The following IPMK variants were observed in gnomAD, a reference collection of about 807,000 sequenced individuals.
IPMK encodes inositol 1,3,4,6-tetrakisphosphate 5-kinase.
Under a neutral mutation model 45.8 loss-of-function variants are expected in IPMK, and 17 were observed. The ratio of observed to expected loss-of-function variants is 0.37; its 90% CI spans 0.25 to 0.56. The LOEUF (loss-of-function observed/expected upper bound fraction) is 0.56, where lower values mean the gene tolerates loss of function less well. IPMK is among the 20% of genes least tolerant of loss of function. The probability of loss-of-function intolerance (pLI) is 0.79; values close to 1 mark genes in which losing one functional copy is unlikely to be tolerated. For missense variants in IPMK, 399 were observed against 498.0 expected (o/e 0.80, Z 1.89); for synonymous variants, 180 against 184.3 (o/e 0.98, Z 0.19).
intron 2 of IPMK, among the ~76,000 whole-genome samples, chr10:58,231,856 TG>T (rs1308290198): frequency 6.6e-6 from 1 of 152,188 alleles, no homozygotes; most frequent in African/African-American, 2.4e-5. Context: ...ATGGGCTAAA[TG>T]CCCCAATTAA....
At chr10:58,241,872 G>A (rs181499263) in intron 1 of IPMK, among the ~76,000 whole-genome samples, 3 of 151,914 alleles carry the variant, frequency 2.0e-5, no homozygotes, top group Admixed American at 2.0e-4. Flanking sequence ...GAATTTTAAA[G>A]GACACAAACA....
chr10:58,234,144 C>T (rs1199145320), intron 2 of IPMK, among the ~76,000 whole-genome samples: 2 of 152,072 alleles, frequency 1.3e-5, no homozygotes, highest in Non-Finnish European at 1.5e-5. Context: ...AACTACAAAC[C>T]ACCGCTCAAC....
chr10:58,267,842 G>A lies in IPMK; in HGVS notation c.-231C>T. 2.1e-6 allele frequency: 1 copy of A among 471,240 alleles called. No individual in the cohort carries two copies. The highest frequency in any genetic ancestry group is 3.2e-5 in the South Asian group (1 of 31,516). The allele number at this position is 471,240 out of a possible 1,614,324, so 29.2% of individuals were successfully genotyped here. On this transcript the variant is annotated 5_prime_UTR_variant, in exon 1 of 6. Coordinates refer to ENST00000373935, the MANE Select transcript of IPMK (RefSeq NM_152230.5). ...GGCTCCCGGCTCCTGTTCCTCTGCC[G>A]CCGCAGCCGCCGGCCCCGGCGCTGC...
intron 1 of IPMK, among the ~76,000 whole-genome samples, chr10:58,240,126 A>G (rs752848027): frequency 1.3e-5 from 2 of 152,234 alleles, no homozygotes; most frequent in Non-Finnish European, 2.9e-5. Context: ...ATGTTAAAAC[A>G]AAAAGTATAA....
chr10:58,217,135 C>T (rs958897713), intron 3 of IPMK, among the ~76,000 whole-genome samples: 2 of 146,710 alleles, frequency 1.4e-5, no homozygotes, highest in African/African-American at 5.0e-5. Context: ...AGGTGTGAGT[C>T]ACCATGCCCA....
chr10:58,260,797 C>A (rs1165441125), intron 1 of IPMK, among the ~76,000 whole-genome samples: 1 of 151,920 alleles, frequency 6.6e-6, no homozygotes, highest in East Asian at 1.9e-4. Context: ...AGAGATATAC[C>A]ATGTTCAAGT....
chr10:58,228,115 C>T (rs1391252265), intron 2 of IPMK, among the ~76,000 whole-genome samples: 1 of 152,146 alleles, frequency 6.6e-6, no homozygotes, highest in African/African-American at 2.4e-5. Context: ...TAGTCACTTC[C>T]AGGCCAAGGT....
chr10:58,267,684 C>G lies in IPMK; in HGVS notation c.-73G>C. 1.1e-6 allele frequency: 1 copy of G among 948,770 alleles called. No individual in the cohort carries two copies. The highest frequency in any genetic ancestry group is 1.6e-5 in the African/African-American group (1 of 61,536). 58.8% of individuals were successfully genotyped at this position (948,770 alleles called of 1,614,324 possible). A position where few individuals can be genotyped will look rare whatever the true frequency, so the allele number is the denominator to read the frequency against. ...GGGCGAGGGAGGGGGCGCCGGAGAA[C>G]CCGAGGGTCGCTCAGGCTCGGGCGC... On this transcript the variant is annotated 5_prime_UTR_variant, in exon 1 of 6. Transcript: ENST00000373935.
chr10:58,213,640 T>C (rs1838200265), intron 4 of IPMK, among the ~76,000 whole-genome samples: 1 of 148,190 alleles, frequency 6.7e-6, no homozygotes, highest in Non-Finnish European at 1.5e-5. Context: ...TGAGCAGAGA[T>C]GCGACACTGC....
At chr10:58,267,338 C>A in intron 1 of IPMK, 84 bp downstream of exon 1, 1 of 1,407,870 alleles carries the variant, frequency 7.1e-7, no homozygotes. Context: ...TCCAGGCAGG[C>A]CCGAGAGCGC....
chr10:58,265,125 G>A (rs1031587705), intron 1 of IPMK, among the ~76,000 whole-genome samples: 6 of 152,134 alleles, frequency 3.9e-5, no homozygotes, highest in Non-Finnish European at 8.8e-5. Context: ...AAATATAACG[G>A]ATGTCTGAAC....
chr10:58,213,578 G>C (rs761596092), intron 4 of IPMK, among the ~76,000 whole-genome samples: 2 of 151,936 alleles, frequency 1.3e-5, no homozygotes, highest in Non-Finnish European at 2.9e-5. Context: ...TCCCAGCTAC[G>C]CGGTAGGCTG....
At chr10:58,200,866 G>A (rs903096251) in intron 4 of IPMK, among the ~76,000 whole-genome samples, 177 of 152,192 alleles carry the variant, frequency 1.2e-3, no homozygotes, top group African/African-American at 3.9e-3. Flanking sequence ...CATATTTATG[G>A]GGCACATGTG....
chr10:58,259,852 G>GA (rs1017638168), intron 1 of IPMK, among the ~76,000 whole-genome samples: 3 of 151,532 alleles, frequency 2.0e-5, no homozygotes, highest in African/African-American at 7.3e-5. Flanking sequence ...AAAACAAAAA[G>GA]AAAAACAAAT....
chr10:58,237,862 C>A (rs764980383), intron 1 of IPMK, 48 bp from the exon 2 acceptor site: 2 of 1,353,600 alleles, frequency 1.5e-6, no homozygotes, highest in Non-Finnish European at 2.1e-6. Context: ...TAATAGTAAA[C>A]CTTGCTTCAT....
At chr10:58,218,918 T>C (rs1263813307) in intron 3 of IPMK, among the ~76,000 whole-genome samples, 1 of 152,196 alleles carries the variant, frequency 6.6e-6, no homozygotes, top group African/African-American at 2.4e-5. Context: ...CCCTTCCCAT[T>C]CCTATTGTCC....
intron 1 of IPMK, among the ~76,000 whole-genome samples, chr10:58,244,789 A>C (rs1412788694): frequency 6.6e-6 from 1 of 152,156 alleles, no homozygotes; most frequent in East Asian, 1.9e-4. Context: ...ACTCAGGGTT[A>C]AATGGATTAA....
chr10:58,233,326 C>A lies in IPMK; in HGVS notation c.276+4403G>T, dbSNP rs560512022. 5.9e-5 allele frequency among the ~76,000 whole-genome samples: 9 copies of A among 152,258 alleles called. No individual in the cohort carries two copies. In the South Asian group the frequency reaches 1.2e-3, roughly 21 times the overall value. Reference sequence around the variant, plus strand: ...ATCCTCCCTAACTCATTTTATGAGGCCAACATCATCCTGATACCAAAGCCT... The same window carrying A: ...ATCCTCCCTAACTCATTTTATGAGGACAACATCATCCTGATACCAAAGCCT... On this transcript the variant is annotated intron_variant, in intron 2 of 5. Transcript: ENST00000373935.
rs564565816 is a variant in IPMK at position 58,208,001 on chromosome 10, C to T, written c.546+8144G>A. 7.2e-5 allele frequency among the ~76,000 whole-genome samples: 11 copies of T among 151,992 alleles called. No individual in the cohort carries two copies. In the South Asian group the frequency reaches 1.7e-3, roughly 23 times the overall value. ...TGGTGCCCAGGCTGGAGTGCAGTGG[C>T]GCGATCTCGGCTCACTGCAAGCTCC... On this transcript the variant is annotated intron_variant, in intron 4 of 5. Coordinates refer to ENST00000373935, the MANE Select transcript of IPMK (RefSeq NM_152230.5).
Sources: gnomAD v4.1 joint callset for allele counts (sites outside exome capture counted in the v4.1 genomes callset) on GRCh38, gnomAD v4.1.1 for gene constraint, MANE v1.5 for transcripts, NCBI Gene and HGNC (gene_info 2026-07-23, HGNC 2026-07-21) for gene names.